RAPGEF6: variants seen among roughly 807,000 people sequenced by gnomAD.
The protein encoded by RAPGEF6 is PDZ domain containing guanine nucleotide exchange factor (GEF) 2.
A neutral mutation model predicts 171.4 loss-of-function variants in RAPGEF6; 56 were observed. The ratio of observed to expected loss-of-function variants is 0.33; its 90% CI spans 0.26 to 0.41. RAPGEF6 has a LOEUF of 0.41. Among genes scored for constraint, RAPGEF6 ranks in the 10% least tolerant of loss-of-function variants. The probability of loss-of-function intolerance (pLI) is 1.00; values close to 1 mark genes in which losing one functional copy is unlikely to be tolerated. For missense variants in RAPGEF6, 1,674 were observed against 1,921.4 expected (o/e 0.87, Z 2.41); for synonymous variants, 692 against 650.1 (o/e 1.06, Z -0.98).
At chr5:131,495,909 A>C (rs560500191) in intron 12 of RAPGEF6, among the ~76,000 whole-genome samples, 13 of 152,380 alleles carry the variant, frequency 8.5e-5, no homozygotes, top group Admixed American at 2.6e-4. Flanking sequence ...TTAAGATAAA[A>C]GAAGTACACA....
intron 9 of RAPGEF6, among the ~76,000 whole-genome samples, 184 bp from the exon 10 acceptor site, chr5:131,505,706 T>C (rs891835830): frequency 2.6e-5 from 4 of 152,234 alleles, no homozygotes; most frequent in Admixed American, 2.6e-4. Flanking sequence ...AGTTTATTTT[T>C]ACTCTTTCTT....
At chr5:131,479,110 A>C (rs1386222618) in intron 16 of RAPGEF6, among the ~76,000 whole-genome samples, 1 of 152,142 alleles carries the variant, frequency 6.6e-6, no homozygotes, top group Non-Finnish European at 1.5e-5. Flanking sequence ...AGGTCTGATT[A>C]AAAAGTTCAA....
At chr5:131,555,812 C>T (rs947112126) in intron 5 of RAPGEF6, among the ~76,000 whole-genome samples, 2 of 152,006 alleles carry the variant, frequency 1.3e-5, no homozygotes, top group Admixed American at 6.6e-5. Context: ...ACATATACAG[C>T]CATGTGCACT....
At chr5:131,457,377 C>A (rs919467414) in intron 19 of RAPGEF6, among the ~76,000 whole-genome samples, 1 of 152,178 alleles carries the variant, frequency 6.6e-6, no homozygotes, top group Admixed American at 6.5e-5. Context: ...AGCCAACAAT[C>A]CTTTATTTGG....
chr5:131,499,694 GAACA>G (rs1756889503), intron 11 of RAPGEF6, among the ~76,000 whole-genome samples: 1 of 149,776 alleles, frequency 6.7e-6, no homozygotes, highest in Non-Finnish European at 1.5e-5. Flanking sequence ...GTTGGTACAA[GAACA>G]AATACAGAAA....
In RAPGEF6 at chr5:131,528,325, A is replaced by ATATATTT. The variant is rs1554079168; in HGVS notation, c.496-6805_496-6804insAAATATA. ...TAATATATTTATATTATATATATATATATATATATATATACACACACACAC... is the reference window on the plus strand; with the variant it reads ...TAATATATTTATATTATATATATATATATATTTTATATATATATATACACACACACAC... On this transcript the variant is annotated intron_variant, in intron 6 of 27. Transcript: ENST00000509018. 2.4e-3 allele frequency among the ~76,000 whole-genome samples: 121 copies of ATATATTT among 49,572 alleles called. 1 individual carries two copies. Among genetic ancestry groups the ATATATTT allele is most frequent in the East Asian group, 6.1e-3 (16 of 2,630 alleles). 32.5% of individuals were successfully genotyped at this position (49,572 alleles called of 152,430 possible).
At chr5:131,461,634 C>T in intron 19 of RAPGEF6, 71 bp downstream of exon 19, 1 of 1,403,364 alleles carries the variant, frequency 7.1e-7, no homozygotes, top group East Asian at 2.3e-5. Context: ...GCATTGAATA[C>T]CTAAGTAGAA....
intron 6 of RAPGEF6, among the ~76,000 whole-genome samples, chr5:131,536,713 C>T (rs768104850): frequency 6.6e-6 from 1 of 152,144 alleles, no homozygotes; most frequent in African/African-American, 2.4e-5. Flanking sequence ...AAAGGCACCA[C>T]TATGCTTCTG....
At chr5:131,455,640 A>C (rs1753436989) in intron 20 of RAPGEF6, among the ~76,000 whole-genome samples, 161 bp downstream of exon 20, 1 of 152,252 alleles carries the variant, frequency 6.6e-6, no homozygotes, top group Admixed American at 6.5e-5. Flanking sequence ...ACTAATTAAC[A>C]AATATGTATG....
At chr5:131,482,345 C>T (rs923020466) in intron 15 of RAPGEF6, among the ~76,000 whole-genome samples, 1 of 152,134 alleles carries the variant, frequency 6.6e-6, no homozygotes, top group Non-Finnish European at 1.5e-5. Flanking sequence ...GGTCAGGTCT[C>T]ACTCTGTCAT....
At chr5:131,623,381 G>A (rs1332546645) in intron 1 of RAPGEF6, among the ~76,000 whole-genome samples, 2 of 151,334 alleles carry the variant, frequency 1.3e-5, no homozygotes, top group African/African-American at 4.9e-5. Flanking sequence ...TTGCCATTTT[G>A]CCAAACTTCA....
chr5:131,576,931 C>T (rs574924618), intron 4 of RAPGEF6, among the ~76,000 whole-genome samples: 19 of 152,180 alleles, frequency 1.2e-4, no homozygotes, highest in Admixed American at 6.5e-5. Context: ...CCATCTGCTA[C>T]TCTACCACCC....
At chr5:131,525,413 T>C (rs1758808643) in intron 6 of RAPGEF6, among the ~76,000 whole-genome samples, 2 of 152,086 alleles carry the variant, frequency 1.3e-5, no homozygotes, top group Non-Finnish European at 2.9e-5. Context: ...TCTATTGAAA[T>C]AGCCCATAAA....
intron 1 of RAPGEF6, among the ~76,000 whole-genome samples, chr5:131,632,354 C>A (rs1168123293): frequency 6.6e-6 from 1 of 152,128 alleles, no homozygotes; most frequent in Non-Finnish European, 1.5e-5. Context: ...TCTCCATATA[C>A]CCCTATAGTT....
At chr5:131,530,405 C>T (rs755808497) in intron 6 of RAPGEF6, among the ~76,000 whole-genome samples, 6 of 152,050 alleles carry the variant, frequency 3.9e-5, no homozygotes, top group South Asian at 2.1e-4. Flanking sequence ...CATGCTAATA[C>T]GACTATTTAT....
intron 4 of RAPGEF6, among the ~76,000 whole-genome samples, chr5:131,571,786 G>A (rs1199097738): frequency 6.6e-6 from 1 of 152,144 alleles, no homozygotes; most frequent in Non-Finnish European, 1.5e-5. Context: ...TACGAAGTTG[G>A]AGGATCCATA....
intron 1 of RAPGEF6, among the ~76,000 whole-genome samples, chr5:131,628,516 T>C (rs1364599967): frequency 6.6e-6 from 1 of 152,062 alleles, no homozygotes; most frequent in Non-Finnish European, 1.5e-5. Context: ...TCCACTAACA[T>C]AAAAAGTAAG....
intron 6 of RAPGEF6, among the ~76,000 whole-genome samples, chr5:131,528,692 T>C (rs1243657630): frequency 6.6e-6 from 1 of 151,970 alleles, no homozygotes; most frequent in Non-Finnish European, 1.5e-5. Flanking sequence ...TACTACAATT[T>C]AGGAGAAAAT....
chr5:131,562,082 G>A lies in RAPGEF6; in HGVS notation c.282-35C>T, dbSNP rs113678559. On this transcript the variant is annotated intron_variant, in intron 4 of 27. Coordinates refer to ENST00000509018, the MANE Select transcript of RAPGEF6 (RefSeq NM_016340.6). Reference sequence around the variant, plus strand: ...CAGAAAAACAATTTCTTTAGCAAAGGTTATTAATAAAATATATCAATATAG... The same window carrying A: ...CAGAAAAACAATTTCTTTAGCAAAGATTATTAATAAAATATATCAATATAG... The A allele has an allele frequency of 5.8e-6, 8 of 1,389,650 alleles. No homozygotes were observed. The African/African-American group carries it at 1.1e-4, about 18-fold the overall frequency. 86.1% of individuals were successfully genotyped at this position (1,389,650 alleles called of 1,614,324 possible).
Sources: allele counts gnomAD v4.1 joint callset (sites outside exome capture counted in the v4.1 genomes callset), GRCh38; gene constraint gnomAD v4.1.1; transcripts MANE v1.5; gene names NCBI Gene and HGNC (gene_info 2026-07-23, HGNC 2026-07-21).